The following DRC8 variants were observed in gnomAD, a reference collection of about 807,000 sequenced individuals.
The protein encoded by DRC8 is dynein regulatory complex protein 8.
chr1:245,012,524 A>T, the DRC8 span, among the ~76,000 whole-genome samples: 5 of 145,736 alleles, frequency 3.4e-5, no homozygotes, highest in African/African-American at 1.1e-4. Context: ...GGAAATATAT[A>T]ATCAATAGCA....
At chr1:245,090,021 A>T in the DRC8 span, among the ~76,000 whole-genome samples, 1 of 152,308 alleles carries the variant, frequency 6.6e-6, no homozygotes, top group South Asian at 2.1e-4. Context: ...GAGCCCATGT[A>T]AGGATTTTCA....
At chr1:245,040,067 C>T in the DRC8 span, among the ~76,000 whole-genome samples, 8 of 152,154 alleles carry the variant, frequency 5.3e-5, no homozygotes, top group African/African-American at 1.9e-4. Context: ...AAGTAGCATC[C>T]GTTGGTCAAT....
the DRC8 span, chr1:244,970,246 G>A: frequency 4.3e-6 from 3 of 700,888 alleles, no homozygotes; most frequent in Admixed American, 2.2e-5. Context: ...AACGGGGACA[G>A]GGCGCGCGCT....
chr1:245,038,835 A>G, the DRC8 span, among the ~76,000 whole-genome samples: 4 of 152,064 alleles, frequency 2.6e-5, no homozygotes, highest in Admixed American at 6.6e-5. Flanking sequence ...AACAAAAGCC[A>G]GAAGTAGAAA....
At chr1:244,993,935 T>C in the DRC8 span, among the ~76,000 whole-genome samples, 1 of 143,234 alleles carries the variant, frequency 7.0e-6, no homozygotes, top group Admixed American at 6.8e-5. Flanking sequence ...ACACGAACTT[T>C]GGGGATACAT....
the DRC8 span, among the ~76,000 whole-genome samples, chr1:245,116,373 G>A: frequency 6.6e-6 from 1 of 152,136 alleles, no homozygotes; most frequent in Non-Finnish European, 1.5e-5. Flanking sequence ...GGGCAATGGA[G>A]TGAGACCTTG....
the DRC8 span, among the ~76,000 whole-genome samples, chr1:244,979,593 A>C: frequency 1.3e-5 from 2 of 151,628 alleles, no homozygotes; most frequent in African/African-American, 4.8e-5. Context: ...GGTGTGAGCC[A>C]CTGCGCCTGG....
the DRC8 span, among the ~76,000 whole-genome samples, chr1:245,031,842 A>G: frequency 6.6e-6 from 1 of 152,294 alleles, no homozygotes; most frequent in South Asian, 2.1e-4. Flanking sequence ...GCTACTCCTG[A>G]TAAGCATGAC....
At chr1:245,056,466 C>G in the DRC8 span, among the ~76,000 whole-genome samples, 1 of 152,196 alleles carries the variant, frequency 6.6e-6, no homozygotes, top group African/African-American at 2.4e-5. Context: ...GCTTCTGTTG[C>G]TGACACAGCA....
chr1:244,995,381 A>G, the DRC8 span, among the ~76,000 whole-genome samples: 1 of 151,580 alleles, frequency 6.6e-6, no homozygotes, highest in Non-Finnish European at 1.5e-5. Context: ...AAAGAGGGAC[A>G]GGTTCTCACT....
the DRC8 span, among the ~76,000 whole-genome samples, chr1:245,052,158 T>G: frequency 5.3e-5 from 8 of 152,290 alleles, no homozygotes; most frequent in Admixed American, 5.2e-4. Flanking sequence ...TGCCAGGAAG[T>G]CAACAGACGA....
chr1:245,083,362 A>G, the DRC8 span: 2 of 1,314,606 alleles, frequency 1.5e-6, no homozygotes, highest in East Asian at 2.3e-5. Context: ...TGGTGCCAAA[A>G]GGGTTGGAGA....
chr1:245,038,711 T>C, the DRC8 span, among the ~76,000 whole-genome samples: 1 of 146,286 alleles, frequency 6.8e-6, no homozygotes, highest in African/African-American at 2.5e-5. Flanking sequence ...TCATGCTGTA[T>C]AGTAAGATAA....
At chr1:245,035,044 T>G in the DRC8 span, among the ~76,000 whole-genome samples, 2 of 152,144 alleles carry the variant, frequency 1.3e-5, no homozygotes, top group Admixed American at 1.3e-4. Context: ...GCTAAAATGG[T>G]CAACTTTCTA....
At chr1:244,999,058 CAAAAAAAA>C in the DRC8 span, among the ~76,000 whole-genome samples, 2 of 83,676 alleles carry the variant, frequency 2.4e-5, no homozygotes. Flanking sequence ...GATCCTGGGT[CAAAAAAAA>C]AAAAAAAAAA....
the DRC8 span, among the ~76,000 whole-genome samples, chr1:245,000,910 T>C: frequency 1.3e-5 from 2 of 151,826 alleles, no homozygotes; most frequent in African/African-American, 4.8e-5. Flanking sequence ...GGCCCTCCCC[T>C]AGGAGGGAAG....
chr1:244,971,323 C>T, the DRC8 span, among the ~76,000 whole-genome samples: 14 of 152,368 alleles, frequency 9.2e-5, no homozygotes, highest in African/African-American at 3.4e-4. Context: ...GACCACCCAG[C>T]CCCGCGCGGT....
the DRC8 span, among the ~76,000 whole-genome samples, chr1:244,993,606 G>A: frequency 6.6e-6 from 1 of 152,214 alleles, no homozygotes; most frequent in Non-Finnish European, 1.5e-5. Context: ...TATTTGTGCT[G>A]CTGTAACAGG....
At chr1:245,029,941 A>G in the DRC8 span, among the ~76,000 whole-genome samples, 2 of 152,136 alleles carry the variant, frequency 1.3e-5, no homozygotes, top group South Asian at 4.1e-4. Flanking sequence ...ATTTTGCTGT[A>G]TGATTTCAAA....
Sources: allele counts gnomAD v4.1 joint callset (sites outside exome capture counted in the v4.1 genomes callset), GRCh38; gene constraint gnomAD v4.1.1; transcripts MANE v1.5; gene names NCBI Gene and HGNC (gene_info 2026-07-23, HGNC 2026-07-21).